EEPD1: variants seen among roughly 807,000 people sequenced by gnomAD.
The protein encoded by EEPD1 is endonuclease/exonuclease/phosphatase family domain containing 1.
Under a neutral mutation model 46.3 loss-of-function variants are expected in EEPD1, and 17 were observed. The observed-to-expected ratio is 0.37, with a 90% CI of 0.25 to 0.55. The LOEUF is 0.55. Ranked by LOEUF, EEPD1 falls within the 20% of genes least tolerant of loss-of-function variation. The probability of loss-of-function intolerance (pLI) is 0.83; values close to 1 mark genes in which losing one functional copy is unlikely to be tolerated. For missense variants in EEPD1, 673 were observed against 745.6 expected (o/e 0.90, Z 1.13); for synonymous variants, 313 against 315.6 (o/e 0.99, Z 0.09).
rs910567423 is a variant in EEPD1, at chr7:36,193,455, G to A, written c.878+38253G>A. 4.6e-5 allele frequency among the ~76,000 whole-genome samples: 7 copies of A among 152,168 alleles called. No individual in the cohort carries two copies. The highest frequency in any genetic ancestry group is 1.7e-4 in the African/African-American group (7 of 41,440). On this transcript the variant is annotated intron_variant, in intron 2 of 7. Coordinates refer to ENST00000242108, the MANE Select transcript of EEPD1 (RefSeq NM_030636.3). The surrounding 1 kb of genome is among the most constrained non-coding windows in gnomAD (Gnocchi z 4.9). ...AGAACAGCCACTTCATGCCAGCCTT[G>A]GGAGGTCCCCCGGGGAGTGCGGTCC...
chr7:36,197,423 C>A (rs1378302367), intron 2 of EEPD1, among the ~76,000 whole-genome samples: 2 of 152,216 alleles, frequency 1.3e-5, no homozygotes, highest in African/African-American at 4.8e-5. Flanking sequence ...TACCCAACAG[C>A]TCATTGAGAA....
At chr7:36,185,595 A>G (rs936085759) in intron 2 of EEPD1, among the ~76,000 whole-genome samples, 1 of 152,196 alleles carries the variant, frequency 6.6e-6, no homozygotes, top group Non-Finnish European at 1.5e-5. Context: ...GACGTGTACC[A>G]GTGATTGCTG....
intron 2 of EEPD1, among the ~76,000 whole-genome samples, chr7:36,236,935 G>C (rs1316203127): frequency 6.6e-6 from 1 of 152,202 alleles, no homozygotes; most frequent in African/African-American, 2.4e-5. Context: ...CAACCCGCTC[G>C]CCTACCATAC....
intron 2 of EEPD1, among the ~76,000 whole-genome samples, chr7:36,196,299 T>G (rs76218737): frequency 0.039 from 5,487 of 140,188 alleles, 101 homozygotes; most frequent in African/African-American, 0.051. Flanking sequence ...CTACACTAAA[T>G]TTTTTTTTTT....
At chr7:36,286,420 C>T (rs12539236) in intron 5 of EEPD1, among the ~76,000 whole-genome samples, 9,079 of 152,314 alleles carry the variant, frequency 0.06, 466 homozygotes, top group East Asian at 0.15. Context: ...GGGCACCCTC[C>T]ACTTCCTGGG....
intron 2 of EEPD1, among the ~76,000 whole-genome samples, chr7:36,164,269 A>G (rs973269205): frequency 6.6e-6 from 1 of 152,232 alleles, no homozygotes; most frequent in Non-Finnish European, 1.5e-5. Flanking sequence ...GAAACAACTT[A>G]TCTTTCTGCT....
intron 3 of EEPD1, among the ~76,000 whole-genome samples, chr7:36,247,026 T>C (rs539105568): frequency 6.6e-6 from 1 of 150,398 alleles, no homozygotes; most frequent in East Asian, 2.0e-4. Context: ...CTCGGGAGGC[T>C]GAGGCAGAAT....
intron 2 of EEPD1, among the ~76,000 whole-genome samples, chr7:36,213,529 T>C (rs763192168): frequency 1.6e-4 from 24 of 152,162 alleles, no homozygotes; most frequent in Non-Finnish European, 3.1e-4. Flanking sequence ...TGGTGGTCAT[T>C]GTGAGGGAGA....
intron 3 of EEPD1, among the ~76,000 whole-genome samples, chr7:36,259,725 A>G (rs972110347): frequency 1.3e-5 from 2 of 152,184 alleles, no homozygotes; most frequent in African/African-American, 4.8e-5. Context: ...TATGTTGCCC[A>G]GGCTGGTCTC....
At chr7:36,183,107 C>T (rs968262534) in intron 2 of EEPD1, among the ~76,000 whole-genome samples, 1 of 152,224 alleles carries the variant, frequency 6.6e-6, no homozygotes. Context: ...AGCCCGGCTC[C>T]TGAGGCAGCT....
At position 36,272,503 on chromosome 7, in the gene EEPD1, G is replaced by GTTTTTTTT. The variant is rs768898390; in HGVS notation, c.931-8610_931-8609insTTTTTTTT. Among the ~76,000 whole-genome samples the GTTTTTTTT allele has an allele frequency of 1.2e-3, 151 of 122,638 alleles. 1 individual carries two copies. Among genetic ancestry groups the GTTTTTTTT allele is most frequent in the South Asian group, 2.3e-3 (8 of 3,510 alleles). 80.5% of individuals were successfully genotyped at this position (122,638 alleles called of 152,430 possible). ...TGCAAGGTTTTTCTGGTTTTTTGTT[G>GTTTTTTTT]TTGTTTTTTTTTTTTTTTTGTGCTC... On this transcript the variant is annotated intron_variant, in intron 3 of 7. Coordinates refer to ENST00000242108, the MANE Select transcript of EEPD1 (RefSeq NM_030636.3).
At chr7:36,252,180 T>A (rs1303830012) in intron 3 of EEPD1, among the ~76,000 whole-genome samples, 7 of 152,216 alleles carry the variant, frequency 4.6e-5, no homozygotes, top group Non-Finnish European at 1.0e-4. Flanking sequence ...TCCATGCGGA[T>A]TACAGACTCA....
rs545641957 is a variant in EEPD1 at position 36,171,446 on chromosome 7, C to T, written c.878+16244C>T. ...GTACAAAACAACTCCAGCAGTAAGT[C>T]AGACTTTATCAGGCTTTGAGATCAA... On this transcript the variant is annotated intron_variant, in intron 2 of 7. Coordinates refer to ENST00000242108, the MANE Select transcript of EEPD1 (RefSeq NM_030636.3). 7.2e-5 allele frequency among the ~76,000 whole-genome samples: 11 copies of T among 152,280 alleles called. No homozygotes were observed. The East Asian group carries it at 1.7e-3, about 24-fold the overall frequency.
At chr7:36,255,495 GGCTTTTC>G in intron 3 of EEPD1, among the ~76,000 whole-genome samples, 1 of 14,362 alleles carries the variant, frequency 7.0e-5, no homozygotes, top group Non-Finnish European at 2.4e-4. Flanking sequence ...CTTGTTATTG[GGCTTTTC>G]AGAACTTGTT....
chr7:36,177,061 G>A (rs1447089763), intron 2 of EEPD1, among the ~76,000 whole-genome samples: 7 of 152,176 alleles, frequency 4.6e-5, no homozygotes, highest in African/African-American at 1.4e-4. Context: ...CAAGGAAAAT[G>A]TTTTGGGATG....
intron 2 of EEPD1, among the ~76,000 whole-genome samples, chr7:36,214,591 A>C (rs774434834): frequency 5.9e-5 from 9 of 152,118 alleles, no homozygotes; most frequent in Non-Finnish European, 1.0e-4. Flanking sequence ...TGGAAATGCA[A>C]ATTCTCAGGC....
At chr7:36,250,579 G>A (rs2115808833) in intron 3 of EEPD1, among the ~76,000 whole-genome samples, 1 of 152,274 alleles carries the variant, frequency 6.6e-6, no homozygotes, top group East Asian at 1.9e-4. Flanking sequence ...ACACTATAAC[G>A]ACAGGTTAAG....
chr7:36,179,220 A>G (rs1231711270), intron 2 of EEPD1, among the ~76,000 whole-genome samples: 2 of 152,196 alleles, frequency 1.3e-5, no homozygotes, highest in Non-Finnish European at 2.9e-5. Context: ...CCTGACCACT[A>G]ATGGGCTGGT....
intron 2 of EEPD1, among the ~76,000 whole-genome samples, chr7:36,158,745 TG>T (rs1302368586): frequency 6.6e-6 from 1 of 152,230 alleles, no homozygotes; most frequent in African/African-American, 2.4e-5. Context: ...TAAATATGCT[TG>T]CAAAATTTGG....
Sources: allele counts gnomAD v4.1 joint callset (sites outside exome capture counted in the v4.1 genomes callset), GRCh38; gene constraint gnomAD v4.1.1; non-coding constraint Gnocchi (gnomAD v3.1); transcripts MANE v1.5; gene names NCBI Gene and HGNC (gene_info 2026-07-23, HGNC 2026-07-21).